Variants in TJP2 observed in about 807,000 individuals in gnomAD.
TJP2 encodes the protein tight junction protein 2.
Under a neutral mutation model 133.1 loss-of-function variants are expected in TJP2, and 91 were observed. The observed-to-expected ratio is 0.68, with a 90% CI of 0.58 to 0.81. The LOEUF is 0.81. TJP2 is among the 40% of genes least tolerant of loss of function. TJP2 has a pLI of 0.00. For synonymous variants in TJP2, 592 were observed against 583.4 expected (o/e 1.01, Z -0.21); for missense variants, 1,541 against 1,565.6 (o/e 0.98, Z 0.26).
chr9:69,237,234 G>A, intron 14 of TJP2, 98 bp downstream of exon 14: 2 of 1,407,592 alleles, frequency 1.4e-6, no homozygotes, highest in South Asian at 2.3e-5. Context: ...ACTTATGTAT[G>A]TCAGTTATGC....
intron 5 of TJP2, 104 bp from the exon 6 acceptor site, chr9:69,225,199 CA>C (rs1301129656): frequency 6.5e-6 from 5 of 771,506 alleles, no homozygotes; most frequent in Non-Finnish European, 1.1e-5. Flanking sequence ...TTCCCATATA[CA>C]AAATTAACTT....
intron 5 of TJP2, among the ~76,000 whole-genome samples, chr9:69,224,744 C>T (rs76912821): frequency 6.6e-6 from 1 of 152,134 alleles, no homozygotes; most frequent in Non-Finnish European, 1.5e-5. Flanking sequence ...TCTAGTTTTA[C>T]CAGTTGTTAA....
At chr9:69,248,493 G>A (rs915799799) in intron 19 of TJP2, 1 of 1,312,034 alleles carries the variant, frequency 7.6e-7, no homozygotes, top group Non-Finnish European at 9.7e-7. Flanking sequence ...AATGGCTTTA[G>A]GTGCCGTCTG....
intron 2 of TJP2, among the ~76,000 whole-genome samples, chr9:69,216,119 C>G (rs952015050): frequency 6.6e-6 from 1 of 152,158 alleles, no homozygotes; most frequent in African/African-American, 2.4e-5. Flanking sequence ...TCTTTTCCAG[C>G]CTCTACAGGC....
chr9:69,203,868 C>T (rs1827193527), intron 1 of TJP2, among the ~76,000 whole-genome samples: 1 of 152,156 alleles, frequency 6.6e-6, no homozygotes, highest in Non-Finnish European at 1.5e-5. Flanking sequence ...CCATCTCAGC[C>T]TCCCAAAGTG....
At chr9:69,216,550 A>T (rs988172619) in intron 3 of TJP2, 87 bp downstream of exon 3, 222 of 1,365,548 alleles carry the variant, frequency 1.6e-4, no homozygotes, top group Non-Finnish European at 8.5e-5. Flanking sequence ...CACTTTATTT[A>T]AAAAAAAGAA....
At chr9:69,222,326 G>A (rs2133284439) in intron 5 of TJP2, among the ~76,000 whole-genome samples, 1 of 151,124 alleles carries the variant, frequency 6.6e-6, no homozygotes, top group South Asian at 2.1e-4. Context: ...ATAGGTGCCT[G>A]CCACCACGCC....
intron 1 of TJP2, among the ~76,000 whole-genome samples, chr9:69,140,813 G>C (rs542767891): frequency 1.3e-5 from 2 of 152,104 alleles, no homozygotes; most frequent in Non-Finnish European, 2.9e-5. Flanking sequence ...AATAGGGAGC[G>C]GTGTTCCCTC....
At position 69,240,057 on chromosome 9, in the gene TJP2, C is replaced by G. The variant is rs368776405; in HGVS notation, c.2476C>G (p.Gln826Glu). ...DSRQGVKTMRQRLNPTSNKSS... is the reference protein window; with the variant it reads ...DSRQGVKTMRERLNPTSNKSS... ...CAGACAAGGTGTCAAAACCATGAGACAAAGGTTAAATCCAACGTCCAACAA... is the reference window on the plus strand; with the variant it reads ...CAGACAAGGTGTCAAAACCATGAGAGAAAGGTTAAATCCAACGTCCAACAA... The change falls in exon 17 of 23, where the codon CAA becomes GAA. Residue 826 changes from glutamine (Q) to glutamate (E), a missense_variant. By Grantham distance (29) the Gln-to-Glu change is conservative. Transcript: ENST00000377245. The G allele has an allele frequency of 6.8e-6, 11 of 1,613,870 alleles. No individual in the cohort carries two copies. Among genetic ancestry groups the G allele is most frequent in the Non-Finnish European group, 8.5e-6 (10 of 1,179,994 alleles).
intron 1 of TJP2, among the ~76,000 whole-genome samples, chr9:69,124,262 C>A (rs2133213447): frequency 1.3e-5 from 1 of 76,476 alleles, no homozygotes; most frequent in South Asian, 3.6e-4. Flanking sequence ...GCAGCTTCAA[C>A]CTCTCAGGCT....
chr9:69,179,507 CTTTCT>C (rs1207108105), intron 1 of TJP2, among the ~76,000 whole-genome samples: 1 of 139,522 alleles, frequency 7.2e-6, no homozygotes, highest in Admixed American at 7.4e-5. Flanking sequence ...TTTTCTTTTT[CTTTCT>C]TTTTTTTTTT....
At chr9:69,237,724 G>T (rs1830295729) in intron 14 of TJP2, among the ~76,000 whole-genome samples, 154 bp from the exon 15 acceptor site, 1 of 152,074 alleles carries the variant, frequency 6.6e-6, no homozygotes, top group African/African-American at 2.4e-5. Context: ...GGATAGTGAA[G>T]GCATATTCTT....
intron 1 of TJP2, among the ~76,000 whole-genome samples, chr9:69,180,277 T>C (rs1000168943): frequency 6.6e-6 from 1 of 152,136 alleles, no homozygotes; most frequent in Non-Finnish European, 1.5e-5. Context: ...GCCTTTGCCA[T>C]CGTATTAAAA....
At chr9:69,238,023 TTC>T in intron 15 of TJP2, 50 bp downstream of exon 15, 2 of 1,369,126 alleles carry the variant, frequency 1.5e-6, no homozygotes, top group South Asian at 2.4e-5. Context: ...TTTGAAAAAT[TTC>T]TAACAGAGGA....
chr9:69,229,667 C>G (rs892148327), intron 10 of TJP2, among the ~76,000 whole-genome samples: 5 of 152,158 alleles, frequency 3.3e-5, no homozygotes, highest in Admixed American at 3.3e-4. Flanking sequence ...ACTTGATAAT[C>G]AGAACCCCTA....
intron 4 of TJP2, among the ~76,000 whole-genome samples, chr9:69,219,880 C>T (rs890003218): frequency 1.8e-4 from 26 of 148,076 alleles, no homozygotes; most frequent in African/African-American, 6.4e-4. Flanking sequence ...TGGCATTGGG[C>T]CAGGTTCAGT....
chr9:69,165,794 T>C (rs893041583), intron 2 of TJP2, among the ~76,000 whole-genome samples: 2 of 152,136 alleles, frequency 1.3e-5, no homozygotes, highest in African/African-American at 4.8e-5. Context: ...GAAGAAGTGC[T>C]CCCTCCTCCA....
intron 1 of TJP2, among the ~76,000 whole-genome samples, chr9:69,190,387 G>A (rs1034204563): frequency 3.3e-5 from 5 of 152,218 alleles, no homozygotes; most frequent in African/African-American, 9.6e-5. Context: ...CCTGAAGTAT[G>A]TGATTGGAAA....
chr9:69,241,647 G>C (rs375024890), intron 17 of TJP2, among the ~76,000 whole-genome samples: 1 of 152,148 alleles, frequency 6.6e-6, no homozygotes, highest in Non-Finnish European at 1.5e-5. Context: ...GTATATTTAT[G>C]AATATCCTTT....
Sources: gnomAD v4.1 joint callset for allele counts (sites outside exome capture counted in the v4.1 genomes callset) on GRCh38, gnomAD v4.1.1 for gene constraint, MANE v1.5 for transcripts, NCBI Gene and HGNC (gene_info 2026-07-23, HGNC 2026-07-21) for gene names.